KDM4B: variants seen among roughly 807,000 people sequenced by gnomAD.
KDM4B encodes lysine-specific demethylase 4B.
In KDM4B, 32 loss-of-function variants were observed where a neutral mutation model predicts 125.2. That is an observed-to-expected ratio of 0.26 (90% CI 0.19 to 0.34). The LOEUF (loss-of-function observed/expected upper bound fraction) is 0.34, where lower values mean the gene tolerates loss of function less well. KDM4B is among the 10% of genes least tolerant of loss of function. The pLI is 1.00. For synonymous variants in KDM4B, 721 were observed against 677.9 expected (o/e 1.06, Z -0.99); for missense variants, 1,190 against 1,577.7 (o/e 0.75, Z 4.16).
chr19:5,089,371 A>G (rs1034720911), intron 9 of KDM4B, among the ~76,000 whole-genome samples: 1 of 152,198 alleles, frequency 6.6e-6, no homozygotes, highest in Non-Finnish European at 1.5e-5. Flanking sequence ...GTCTAGGGAT[A>G]TCTGTAGCCC....
At chr19:5,067,027 C>G (rs2037792449) in intron 6 of KDM4B, among the ~76,000 whole-genome samples, 1 of 152,178 alleles carries the variant, frequency 6.6e-6, no homozygotes, top group Non-Finnish European at 1.5e-5. Context: ...GATTTAGAAC[C>G]AGATTCCTCC....
intron 9 of KDM4B, among the ~76,000 whole-genome samples, chr19:5,094,308 A>G (rs1199071977): frequency 1.3e-5 from 2 of 152,212 alleles, no homozygotes; most frequent in Admixed American, 6.5e-5. Context: ...AGCGCGGGGA[A>G]CAGCACTGCT....
Position 5,090,648 on chromosome 19 carries a change from G to GC in KDM4B, c.918+8151dup, listed in dbSNP as rs1214681838. Among the ~76,000 whole-genome samples, 143 of 102,030 alleles carry GC rather than the reference G, an allele frequency of 1.4e-3. 1 individual carries two copies. Among genetic ancestry groups the GC allele is most frequent in the African/African-American group, 4.6e-3 (114 of 24,746 alleles). 66.9% of individuals were successfully genotyped at this position (102,030 alleles called of 152,430 possible). A position where few individuals can be genotyped will look rare whatever the true frequency, so the allele number is the denominator to read the frequency against. On this transcript the variant is annotated intron_variant, in intron 9 of 22. Coordinates refer to ENST00000159111, the MANE Select transcript of KDM4B (RefSeq NM_015015.3). ...CGCTGCGCGCGTGCGCCCCCCTCCG[G>GC]CCCCCCCTTCCCCCCACCGCCGACA...
intron 2 of KDM4B, among the ~76,000 whole-genome samples, chr19:5,019,859 TGTC>T (rs2036041072): frequency 7.0e-6 from 1 of 141,948 alleles, no homozygotes; most frequent in Non-Finnish European, 1.5e-5. Flanking sequence ...GGTGTGCAGG[TGTC>T]GGTGTGGGTG....
rs1008495824 is a variant in KDM4B, at chr19:5,127,991, A to G, written c.1316-3085A>G. Among the ~76,000 whole-genome samples the G allele has an allele frequency of 1.5e-4, 22 of 151,056 alleles. 1 individual carries two copies. Among genetic ancestry groups the G allele is most frequent in the South Asian group, 1.0e-3 (5 of 4,772 alleles). On this transcript the variant is annotated intron_variant, in intron 11 of 22. Transcript: ENST00000159111. ...AGCCCGGCTCTGTGTCTCTGGCCCC[A>G]CAGCCCTGGCTGGAGTCCCCTGTGC...
chr19:5,044,719 A>G (rs1284906736), intron 5 of KDM4B, among the ~76,000 whole-genome samples: 3 of 151,964 alleles, frequency 2.0e-5, no homozygotes, highest in Non-Finnish European at 4.4e-5. Flanking sequence ...CACCACTCTA[A>G]TGATCCCCTG....
chr19:4,979,189 G>A (rs145791765), intron 1 of KDM4B, among the ~76,000 whole-genome samples: 22 of 152,204 alleles, frequency 1.4e-4, no homozygotes, highest in African/African-American at 5.3e-4. Context: ...AGGCTGAGGC[G>A]GGAGGATTGC....
intron 11 of KDM4B, among the ~76,000 whole-genome samples, chr19:5,124,234 A>C (rs1160585143): frequency 6.8e-6 from 1 of 146,630 alleles, no homozygotes. Context: ...GAGCTGGGAC[A>C]CCGCCTTGAT....
At chr19:5,057,120 G>A (rs370656147) in intron 6 of KDM4B, among the ~76,000 whole-genome samples, 3 of 150,676 alleles carry the variant, frequency 2.0e-5, no homozygotes, top group African/African-American at 7.3e-5. Context: ...TGTGTACCTC[G>A]ATGTCAGGAC....
chr19:5,021,141 CAAA>C (rs759355053), intron 2 of KDM4B, among the ~76,000 whole-genome samples: 3 of 44,078 alleles, frequency 6.8e-5, no homozygotes, highest in African/African-American at 1.1e-4. Flanking sequence ...GAAACTGTCT[CAAA>C]AAAAAAAAAA....
chr19:5,109,194 C>T (rs369064594), intron 9 of KDM4B, among the ~76,000 whole-genome samples: 2 of 152,188 alleles, frequency 1.3e-5, no homozygotes, highest in African/African-American at 4.8e-5. Context: ...CCTGCCCTTT[C>T]CCCCTTCCTC....
At chr19:5,014,867 C>T (rs963366037) in intron 1 of KDM4B, among the ~76,000 whole-genome samples, 6 of 151,852 alleles carry the variant, frequency 4.0e-5, no homozygotes, top group African/African-American at 7.3e-5. Flanking sequence ...TGGTGGCGGG[C>T]GCCTGTAGTC....
chr19:5,045,811 T>C (rs1162649311), intron 5 of KDM4B, among the ~76,000 whole-genome samples: 4 of 152,196 alleles, frequency 2.6e-5, no homozygotes, highest in Non-Finnish European at 5.9e-5. Context: ...GGTGTTGTCA[T>C]GTTGGCCAGG....
chr19:5,030,152 G>C (rs991190514), intron 2 of KDM4B, among the ~76,000 whole-genome samples: 1 of 152,294 alleles, frequency 6.6e-6, no homozygotes, highest in South Asian at 2.1e-4. Context: ...TGTCACCCAG[G>C]CTGGAGTGCA....
intron 9 of KDM4B, among the ~76,000 whole-genome samples, chr19:5,105,687 T>TC (rs1349981626): frequency 6.6e-6 from 1 of 152,228 alleles, no homozygotes; most frequent in Non-Finnish European, 1.5e-5. Context: ...TCCTCCTGCC[T>TC]CAGCCTCCCA....
intron 5 of KDM4B, among the ~76,000 whole-genome samples, chr19:5,045,940 G>T (rs1047837001): frequency 6.6e-6 from 1 of 152,294 alleles, no homozygotes; most frequent in South Asian, 2.1e-4. Context: ...CATGCTGTTT[G>T]TTTTCTTCTG....
intron 1 of KDM4B, among the ~76,000 whole-genome samples, chr19:4,975,593 ATTTTTTT>A (rs10674194): frequency 3.6e-5 from 5 of 138,316 alleles, no homozygotes; most frequent in African/African-American, 1.3e-4. Flanking sequence ...GAGTGAATGA[ATTTTTTT>A]TTTTTTTTTT....
At chr19:5,000,519 T>G (rs947731829) in intron 1 of KDM4B, among the ~76,000 whole-genome samples, 1 of 152,040 alleles carries the variant, frequency 6.6e-6, no homozygotes, top group Admixed American at 6.6e-5. Context: ...CCAGGGTCCC[T>G]TACCATCTTT....
chr19:5,043,963 G>T (rs34263053), intron 5 of KDM4B, among the ~76,000 whole-genome samples: 106 of 106,522 alleles, frequency 1.0e-3, no homozygotes, highest in African/African-American at 2.7e-3. Flanking sequence ...CCGCGTGGTG[G>T]TTATCGGAGT....
Sources: allele counts gnomAD v4.1 joint callset (sites outside exome capture counted in the v4.1 genomes callset), GRCh38; gene constraint gnomAD v4.1.1; transcripts MANE v1.5; gene names NCBI Gene and HGNC (gene_info 2026-07-23, HGNC 2026-07-21).